Variants in RHBDF2 observed in about 807,000 individuals in gnomAD.
The protein encoded by RHBDF2 is inactive rhomboid protein 2.
In RHBDF2, 38 loss-of-function variants were observed where a neutral mutation model predicts 95.2. That is an observed-to-expected ratio of 0.40 (90% CI 0.31 to 0.52). The LOEUF is 0.52. Among genes scored for constraint, RHBDF2 ranks in the 20% least tolerant of loss-of-function variants. The pLI is 0.56. For missense variants in RHBDF2, 863 were observed against 1,137.7 expected (o/e 0.76, Z 3.47); for synonymous variants, 442 against 462.0 (o/e 0.96, Z 0.55).
intron 1 of RHBDF2, among the ~76,000 whole-genome samples, chr17:76,495,159 G>C (rs575923015): frequency 2.0e-5 from 3 of 152,284 alleles, no homozygotes; most frequent in East Asian, 1.9e-4. Context: ...GGGTTTTCAC[G>C]GGTCCTTGGA....
intron 9 of RHBDF2, 83 bp from the exon 10 acceptor site, chr17:76,475,224 C>A: frequency 2.1e-6 from 2 of 968,864 alleles, no homozygotes; most frequent in South Asian, 2.9e-5. Context: ...CTGGCCTGGT[C>A]ACATGGCTCG....
chr17:76,476,716 C>G (rs1567875585), intron 9 of RHBDF2, 114 bp downstream of exon 9: 1 of 1,423,018 alleles, frequency 7.0e-7, no homozygotes, highest in Non-Finnish European at 9.3e-7. Context: ...CACTCCTGAT[C>G]CGCAGAAGAT....
chr17:76,479,772 C>A lies in RHBDF2; in HGVS notation c.233G>T (p.Gly78Val). The change falls in exon 4 of 19, where the codon GGC becomes GTC. Residue 78 changes from glycine to valine, a missense_variant. Physicochemically the swap from Gly to Val is moderately radical, Grantham distance 109. This residue lies in a region of RHBDF2 where 611 missense variants were observed against 725.5 expected (regional missense o/e 0.84). Transcript: ENST00000675367. Reference protein sequence around the residue: ...RWQESSEKRPGFRRQASLSQS... With the variant: ...RWQESSEKRPVFRRQASLSQS... Reference sequence around the variant, plus strand: ...GGACAGTGAGGCCTGGCGGCGGAAGCCAGGGCGCTTCTCTGAACTCTCCTG... The same window carrying A: ...GGACAGTGAGGCCTGGCGGCGGAAGACAGGGCGCTTCTCTGAACTCTCCTG... 1 of 1,612,744 alleles carries A rather than the reference C, an allele frequency of 6.2e-7. No homozygotes were observed. Among genetic ancestry groups the A allele is most frequent in the East Asian group, 2.2e-5 (1 of 44,826 alleles).
chr17:76,496,994 C>G (rs1426449319), intron 1 of RHBDF2, among the ~76,000 whole-genome samples: 1 of 152,186 alleles, frequency 6.6e-6, no homozygotes, highest in Non-Finnish European at 1.5e-5. Context: ...GATCTCCTGA[C>G]CTTGTGACTG....
chr17:76,478,520 C>G (rs2073844403), intron 6 of RHBDF2, among the ~76,000 whole-genome samples: 1 of 152,226 alleles, frequency 6.6e-6, no homozygotes, highest in South Asian at 2.1e-4. Flanking sequence ...GGATGAGGAG[C>G]AAGTATGCAT....
intron 1 of RHBDF2, among the ~76,000 whole-genome samples, chr17:76,492,546 C>T (rs2074329497): frequency 6.6e-6 from 1 of 152,194 alleles, no homozygotes; most frequent in Non-Finnish European, 1.5e-5. Context: ...ACAAGGGTCC[C>T]CCCGCCATGC....
At chr17:76,498,513 G>T (rs867130146) in intron 1 of RHBDF2, among the ~76,000 whole-genome samples, 3 of 152,224 alleles carry the variant, frequency 2.0e-5, no homozygotes, top group Admixed American at 6.5e-5. Context: ...CCAGCCAGCT[G>T]AGCCATGCCA....
intron 9 of RHBDF2, among the ~76,000 whole-genome samples, chr17:76,475,528 C>T (rs928012175): frequency 2.0e-5 from 3 of 152,154 alleles, no homozygotes; most frequent in African/African-American, 7.2e-5. Flanking sequence ...TGTTCACTCT[C>T]CCTCTCTATC....
intron 3 of RHBDF2, among the ~76,000 whole-genome samples, chr17:76,481,003 C>T (rs1469750893): frequency 6.6e-6 from 1 of 152,196 alleles, no homozygotes; most frequent in Non-Finnish European, 1.5e-5. Context: ...GCTGCTGATG[C>T]CAGGGAGACA....
chr17:76,480,677 T>G (rs11650610), intron 3 of RHBDF2, among the ~76,000 whole-genome samples: 115,975 of 152,110 alleles, frequency 0.76, 45,419 homozygotes, highest in Non-Finnish European at 0.86. Flanking sequence ...TGAGGCGACC[T>G]CGCCCAGCCT....
Position 76,481,451 on chromosome 17 carries a change from G to T in RHBDF2, c.74C>A (p.Pro25His), listed in dbSNP as rs1234217280. The T allele has an allele frequency of 6.2e-7, 1 of 1,612,676 alleles. No homozygotes were observed. Among genetic ancestry groups the T allele is most frequent in the African/African-American group, 1.3e-5 (1 of 74,924 alleles). ...TGGCGGGATGGTGATGGAGAGGTTG[G>T]GTGGCTTCCGGCTCTGCAGGCGGCT... is the stretch of plus-strand genomic sequence containing the variant. ...SSSRLQSRKPPNLSITIPPPE... is the reference protein window; with the variant it reads ...SSSRLQSRKPHNLSITIPPPE... The change falls in exon 3 of 19, where the codon CCC becomes CAC. Residue 25 changes from proline (P) to histidine (H), a missense_variant. By Grantham distance (77) the Pro-to-His change is moderately conservative. Coordinates refer to ENST00000675367, the MANE Select transcript of RHBDF2 (RefSeq NM_001005498.4).
intron 2 of RHBDF2, among the ~76,000 whole-genome samples, chr17:76,483,622 CA>C (rs1355845101): frequency 6.6e-6 from 1 of 152,162 alleles, no homozygotes; most frequent in East Asian, 1.9e-4. Flanking sequence ...GCAAAGATTT[CA>C]TAAGTGGAAT....
At chr17:76,480,536 C>T (rs1181744012) in intron 3 of RHBDF2, among the ~76,000 whole-genome samples, 1 of 152,056 alleles carries the variant, frequency 6.6e-6, no homozygotes, top group Non-Finnish European at 1.5e-5. Flanking sequence ...AGGCATGTGC[C>T]ACCACACCCA....
At chr17:76,477,568 G>T in intron 7 of RHBDF2, 89 bp downstream of exon 7, 1 of 1,418,150 alleles carries the variant, frequency 7.1e-7, no homozygotes, top group South Asian at 1.2e-5. Flanking sequence ...GTCCCTCAGG[G>T]GTTCCTGAAT....
At chr17:76,472,353 G>C (rs1372763953) in intron 18 of RHBDF2, among the ~76,000 whole-genome samples, 2 of 152,244 alleles carry the variant, frequency 1.3e-5, no homozygotes, top group Non-Finnish European at 2.9e-5. Flanking sequence ...GAACAAACTA[G>C]ATCAGTCAGG....
intron 3 of RHBDF2, 153 bp from the exon 4 acceptor site, chr17:76,480,007 A>G (rs1265643285): frequency 7.5e-5 from 23 of 307,352 alleles, no homozygotes; most frequent in African/African-American, 1.7e-4. Flanking sequence ...TATATATATA[A>G]TGTGTGTGTG....
chr17:76,479,446 AG>A, intron 4 of RHBDF2, 169 bp from the exon 5 acceptor site: 1 of 1,029,116 alleles, frequency 9.7e-7, no homozygotes, highest in Non-Finnish European at 1.5e-6. Context: ...GAGCAGAAGC[AG>A]GGGATGACGG....
At position 76,473,013 on chromosome 17, in the gene RHBDF2, T is replaced by G; in HGVS notation, c.1902A>C (p.Leu634=). ...AGTGAGGAGCCTCTTACCCAGCATGTAGGAAGAGAGACAGCCAGAGCCTGT... is the reference window on the plus strand; with the variant it reads ...AGTGAGGAGCCTCTTACCCAGCATGGAGGAAGAGAGACAGCCAGAGCCTGT... ...QFYRLWLSLF[L]HAGVVHCLVS... The change falls in exon 17 of 19, where the codon CTA becomes CTC. Residue 634 remains leucine, a synonymous_variant. Transcript: ENST00000675367. 1.2e-6 allele frequency: 2 copies of G among 1,613,366 alleles called. No homozygotes were observed. Among genetic ancestry groups the G allele is most frequent in the Non-Finnish European group, 1.7e-6 (2 of 1,179,400 alleles).
intron 2 of RHBDF2, among the ~76,000 whole-genome samples, chr17:76,485,443 G>C (rs2074098613): frequency 6.7e-6 from 1 of 149,762 alleles, no homozygotes; most frequent in African/African-American, 2.5e-5. Context: ...AGAGCTGGGT[G>C]TGGTGGTGGG....
Sources: gnomAD v4.1 joint callset for allele counts (sites outside exome capture counted in the v4.1 genomes callset) on GRCh38, gnomAD v4.1.1 for gene constraint, gnomAD v4.1.1 regional missense constraint, MANE v1.5 for transcripts, NCBI Gene and HGNC (gene_info 2026-07-23, HGNC 2026-07-21) for gene names.